UST: variants seen among roughly 807,000 people sequenced by gnomAD.
UST encodes chondroitin sulfate 2-O-sulfotransferase.
A neutral mutation model predicts 45.6 loss-of-function variants in UST; 21 were observed. That is an observed-to-expected ratio of 0.46 (90% CI 0.33 to 0.66). The LOEUF is 0.66. Among genes scored for constraint, UST ranks in the 30% least tolerant of loss-of-function variants. UST has a pLI of 0.02. For missense variants in UST, 463 were observed against 512.4 expected, an observed-to-expected ratio of 0.90 and a Z score of 0.93; for synonymous variants, 215 against 200.6, an observed-to-expected ratio of 1.07 and a Z score of -0.61.
chr6:148,749,601 C>T (rs1775949384), intron 1 of UST, among the ~76,000 whole-genome samples: 1 of 152,150 alleles, frequency 6.6e-6, no homozygotes, highest in Non-Finnish European at 1.5e-5. Context: ...GGGGTTCTGA[C>T]ACCTTTCTTG....
At chr6:148,877,372 T>TG (rs1274830535) in intron 1 of UST, among the ~76,000 whole-genome samples, 1 of 44,958 alleles carries the variant, frequency 2.2e-5, no homozygotes, top group Non-Finnish European at 3.8e-5. Context: ...CGTGTATGAG[T>TG]GGGGGGGTCG....
chr6:148,884,694 T>A (rs1778881565), intron 1 of UST, among the ~76,000 whole-genome samples: 1 of 152,016 alleles, frequency 6.6e-6, no homozygotes, highest in African/African-American at 2.4e-5. Context: ...GCTACCATGA[T>A]CTAGTAGATA....
rs1029187587 is a variant in UST at position 148,919,671 on chromosome 6, G to T, written c.292-21608G>T. On this transcript the variant is annotated intron_variant, in intron 2 of 7. Transcript: ENST00000367463. The stretch of plus-strand genomic sequence containing the variant: ...TTTGTCTTCTGAAAACTGTTATTCA[G>T]TGCCAAGTTTGTTCTTGATGTTTTT... Among the ~76,000 whole-genome samples, 3 of 152,212 alleles carry T rather than the reference G, an allele frequency of 2.0e-5. No homozygotes were observed. The South Asian group carries it at 6.2e-4, about 32-fold the overall frequency.
intron 7 of UST, among the ~76,000 whole-genome samples, chr6:149,065,927 T>G (rs1346874437): frequency 6.6e-6 from 1 of 152,194 alleles, no homozygotes; most frequent in Non-Finnish European, 1.5e-5. Flanking sequence ...ATTTTGTTGT[T>G]CACAGTGCTA....
At chr6:148,818,781 A>C (rs1777401920) in intron 1 of UST, among the ~76,000 whole-genome samples, 1 of 152,188 alleles carries the variant, frequency 6.6e-6, no homozygotes, top group South Asian at 2.1e-4. Context: ...ATTTGAGTCC[A>C]CTCAAATTGT....
rs375991711 is a variant in UST at position 149,074,329 on chromosome 6, C to T, written c.*213C>T. On this transcript the variant is annotated 3_prime_UTR_variant, in exon 8 of 8. Transcript: ENST00000367463. ...TTCTCTTGGCTCTTTGGGTCTTTCC[C>T]GGGTACACTAGATGGCTCCATCCCA... 6.9e-4 allele frequency: 407 copies of T among 592,592 alleles called. 2 individuals carry two copies. The East Asian group carries it at 8.9e-3, about 13-fold the overall frequency. 36.7% of individuals were successfully genotyped at this position (592,592 alleles called of 1,614,324 possible). A position where few individuals can be genotyped will look rare whatever the true frequency, so the allele number is the denominator to read the frequency against.
chr6:149,062,638 G>A (rs1415812728), intron 7 of UST, among the ~76,000 whole-genome samples: 1 of 152,180 alleles, frequency 6.6e-6, no homozygotes, highest in Non-Finnish European at 1.5e-5. Flanking sequence ...AATACACACA[G>A]GGCAAGGAGA....
In UST at chr6:149,021,792, A is replaced by G. The variant is rs530226127; in HGVS notation, c.937+311A>G. 2.0e-5 allele frequency among the ~76,000 whole-genome samples: 3 copies of G among 152,330 alleles called. No individual in the cohort carries two copies. In the East Asian group the frequency reaches 5.8e-4, roughly 29 times the overall value. ...ATGTTGCTGGAAACTGAAACTGGCA[A>G]CATTTTCCATCAGCCTTGTCTTGAG... On this transcript the variant is annotated intron_variant, in intron 7 of 7. Transcript: ENST00000367463.
In UST at chr6:149,074,359, A is replaced by G. The variant is rs1158872056; in HGVS notation, c.*243A>G. ...ACACTAGATGGCTCCATCCCAAGGC[A>G]TCTTGTCATAAAACAGCTTTCCCCC... On this transcript the variant is annotated 3_prime_UTR_variant, in exon 8 of 8. Coordinates refer to ENST00000367463, the MANE Select transcript of UST (RefSeq NM_005715.3). The G allele has an allele frequency of 1.4e-5, 7 of 513,538 alleles. No individual in the cohort carries two copies. The East Asian group carries it at 2.2e-4, about 17-fold the overall frequency. 31.8% of individuals were successfully genotyped at this position (513,538 alleles called of 1,614,324 possible).
intron 5 of UST, among the ~76,000 whole-genome samples, chr6:148,996,010 A>G (rs1323837901): frequency 6.6e-6 from 1 of 152,210 alleles, no homozygotes; most frequent in Non-Finnish European, 1.5e-5. Flanking sequence ...CAGACTGCAC[A>G]CAACACGGTG....
At chr6:148,807,727 A>G (rs192714955) in intron 1 of UST, among the ~76,000 whole-genome samples, 4 of 152,300 alleles carry the variant, frequency 2.6e-5, no homozygotes, top group African/African-American at 9.6e-5. Context: ...CTGTATTTTC[A>G]TATTGGGAAA....
chr6:148,892,127 TAG>T (rs1245767594), intron 2 of UST, among the ~76,000 whole-genome samples: 1 of 152,234 alleles, frequency 6.6e-6, no homozygotes, highest in African/African-American at 2.4e-5. Flanking sequence ...TCAATATATT[TAG>T]AGAGTCTAAG....
At chr6:148,866,429 C>T (rs1778432208) in intron 1 of UST, among the ~76,000 whole-genome samples, 2 of 152,102 alleles carry the variant, frequency 1.3e-5, no homozygotes, top group African/African-American at 4.8e-5. Context: ...GGCTAGTTGT[C>T]CCTTCCTGGG....
At chr6:148,916,574 A>C (rs1779594838) in intron 2 of UST, among the ~76,000 whole-genome samples, 1 of 152,168 alleles carries the variant, frequency 6.6e-6, no homozygotes. Context: ...GCTGAGGGCA[A>C]CCTTAGGCCC....
chr6:148,835,717 G>A (rs1176138540), intron 1 of UST, among the ~76,000 whole-genome samples: 8 of 152,168 alleles, frequency 5.3e-5, no homozygotes, highest in African/African-American at 1.9e-4. Flanking sequence ...GGGCTTTAGT[G>A]TTTTCCAAGA....
At chr6:148,843,258 T>G (rs1361061752) in intron 1 of UST, among the ~76,000 whole-genome samples, 1 of 152,248 alleles carries the variant, frequency 6.6e-6, no homozygotes, top group Non-Finnish European at 1.5e-5. Flanking sequence ...CAATGTCACT[T>G]ATGTTCTGCT....
At chr6:148,869,583 A>T (rs908113743) in intron 1 of UST, among the ~76,000 whole-genome samples, 2 of 152,354 alleles carry the variant, frequency 1.3e-5, no homozygotes, top group African/African-American at 4.8e-5. Context: ...ATAATCCCAG[A>T]TGGGATGGTT....
intron 1 of UST, among the ~76,000 whole-genome samples, chr6:148,822,571 A>T (rs1311558512): frequency 6.6e-6 from 1 of 152,226 alleles, no homozygotes; most frequent in Non-Finnish European, 1.5e-5. Context: ...CATAGTCTGT[A>T]AAACCAAGCC....
At chr6:148,889,686 G>A (rs566454360) in intron 2 of UST, among the ~76,000 whole-genome samples, 2 of 151,920 alleles carry the variant, frequency 1.3e-5, no homozygotes, top group Non-Finnish European at 2.9e-5. Flanking sequence ...CTTTTTTTAT[G>A]AACTTGCCTT....
Sources: gnomAD v4.1 joint callset for allele counts (sites outside exome capture counted in the v4.1 genomes callset) on GRCh38, gnomAD v4.1.1 for gene constraint, MANE v1.5 for transcripts, NCBI Gene and HGNC (gene_info 2026-07-23, HGNC 2026-07-21) for gene names.